RBFOX1: variants seen among roughly 807,000 people sequenced by gnomAD.
The protein encoded by RBFOX1 is RNA binding fox-1 homolog 1, also known as RNA binding protein fox-1 homolog 1.
Under a neutral mutation model 57.7 loss-of-function variants are expected in RBFOX1, and 8 were observed. The ratio of observed to expected loss-of-function variants is 0.14; its 90% CI spans 0.08 to 0.25. RBFOX1 has a LOEUF of 0.25. RBFOX1 is among the 10% of genes least tolerant of loss of function. RBFOX1 has a pLI of 1.00. For synonymous variants in RBFOX1, 326 were observed against 222.4 expected (o/e 1.47, Z -4.15); for missense variants, 611 against 548.5 (o/e 1.11, Z -1.14).
At chr16:5,612,414 C>G (rs1397823817) in intron 3 of RBFOX1, among the ~76,000 whole-genome samples, 1 of 152,080 alleles carries the variant, frequency 6.6e-6, no homozygotes, top group Non-Finnish European at 1.5e-5. Context: ...TAGTGACAAG[C>G]CAAGACACAC....
chr16:6,802,402 C>T (rs1029520501), intron 3 of RBFOX1, among the ~76,000 whole-genome samples: 4 of 152,118 alleles, frequency 2.6e-5, no homozygotes, highest in South Asian at 2.1e-4. Flanking sequence ...TATGGCCTGG[C>T]GCAGTGGCTC....
At chr16:5,452,693 G>C (rs2068464460) in intron 1 of RBFOX1, among the ~76,000 whole-genome samples, 3 of 151,672 alleles carry the variant, frequency 2.0e-5, no homozygotes, top group Non-Finnish European at 4.4e-5. Context: ...ACCCAGGCTG[G>C]AGTGCAATGG....
chr16:6,540,095 C>CTT lies in RBFOX1; in HGVS notation c.-63-114508_-63-114507insTT, dbSNP rs1567609335. On this transcript the variant is annotated intron_variant, in intron 2 of 15. Coordinates refer to ENST00000550418, the MANE Select transcript of RBFOX1 (RefSeq NM_018723.4). ...TTTGATGAAATAGAGAAGCAGGCTGCCCTCTGTCAGTTGAAGAACCCATGT... is the reference window on the plus strand; with the variant it reads ...TTTGATGAAATAGAGAAGCAGGCTGCTTCCTCTGTCAGTTGAAGAACCCATGT... Among the ~76,000 whole-genome samples the CTT allele has an allele frequency of 2.3e-3, 345 of 152,176 alleles. 1 individual carries two copies. The highest frequency in any genetic ancestry group is 8.0e-3 in the African/African-American group (331 of 41,528).
At chr16:5,791,047 G>A (rs962914923) in intron 3 of RBFOX1, among the ~76,000 whole-genome samples, 2 of 151,864 alleles carry the variant, frequency 1.3e-5, no homozygotes, top group African/African-American at 4.8e-5. Context: ...TTTTATATTT[G>A]TAGTAGAGAT....
intron 3 of RBFOX1, among the ~76,000 whole-genome samples, chr16:6,871,911 C>CTGCGTG (rs2060957694): frequency 7.7e-6 from 1 of 129,610 alleles, no homozygotes. Context: ...GGGAGAGAGT[C>CTGCGTG]TGTGTGTGTG....
chr16:5,597,666 T>C (rs2047231089), intron 2 of RBFOX1, among the ~76,000 whole-genome samples: 1 of 152,084 alleles, frequency 6.6e-6, no homozygotes, highest in Admixed American at 6.6e-5. Context: ...TTGCTGACTT[T>C]TGATTAATGA....
chr16:6,648,204 C>G (rs1476689083), intron 2 of RBFOX1, among the ~76,000 whole-genome samples: 1 of 151,964 alleles, frequency 6.6e-6, no homozygotes, highest in Admixed American at 6.6e-5. Flanking sequence ...TACCACCCCA[C>G]CTAGCTAATT....
chr16:6,428,970 C>A (rs1013595336), intron 2 of RBFOX1, among the ~76,000 whole-genome samples: 1 of 152,172 alleles, frequency 6.6e-6, no homozygotes, highest in African/African-American at 2.4e-5. Flanking sequence ...GTTTATGGAC[C>A]TGCGGCGTGC....
At chr16:5,980,088 G>C (rs2060142340) in intron 4 of RBFOX1, among the ~76,000 whole-genome samples, 1 of 152,194 alleles carries the variant, frequency 6.6e-6, no homozygotes, top group East Asian at 1.9e-4. Flanking sequence ...TAGGAACTTA[G>C]GCTCCTTTCT....
At chr16:6,963,134 C>G (rs2083373966) in intron 3 of RBFOX1, among the ~76,000 whole-genome samples, 2 of 152,230 alleles carry the variant, frequency 1.3e-5, no homozygotes, top group Admixed American at 1.3e-4. Flanking sequence ...GTGCAGGACT[C>G]TTTGGGGTTC....
chr16:5,922,566 C>T (rs1265785530), intron 4 of RBFOX1, among the ~76,000 whole-genome samples: 2 of 152,154 alleles, frequency 1.3e-5, no homozygotes, highest in Non-Finnish European at 2.9e-5. Flanking sequence ...ACCCAGAACC[C>T]AGGTGAAGTG....
chr16:6,973,411 C>A (rs1004942922), intron 3 of RBFOX1, among the ~76,000 whole-genome samples: 2 of 152,116 alleles, frequency 1.3e-5, no homozygotes, highest in Admixed American at 6.5e-5. Flanking sequence ...ATCAGTCAAT[C>A]AGGAAGCATT....
At chr16:5,915,024 A>G (rs1427471221) in intron 4 of RBFOX1, among the ~76,000 whole-genome samples, 1 of 152,184 alleles carries the variant, frequency 6.6e-6, no homozygotes, top group African/African-American at 2.4e-5. Context: ...TGTTGAGTAG[A>G]AGTAAGTTGC....
At chr16:7,091,334 C>T (rs1395849878) in intron 4 of RBFOX1, among the ~76,000 whole-genome samples, 1 of 150,834 alleles carries the variant, frequency 6.6e-6, no homozygotes, top group South Asian at 2.1e-4. Flanking sequence ...TTCACTTTAT[C>T]GTTTCACACT....
intron 4 of RBFOX1, among the ~76,000 whole-genome samples, chr16:7,231,987 G>A (rs1165915718): frequency 6.6e-6 from 1 of 152,130 alleles, no homozygotes; most frequent in Non-Finnish European, 1.5e-5. Context: ...TAGGGGTGGT[G>A]GTTGCATAAC....
intron 3 of RBFOX1, among the ~76,000 whole-genome samples, chr16:6,988,746 TG>T (rs1263514797): frequency 0.014 from 492 of 35,972 alleles, 16 homozygotes; most frequent in African/African-American, 0.021. Context: ...TTTTTTTGTT[TG>T]TTTGTTTTTT....
At chr16:5,576,917 T>G (rs1246847726) in intron 2 of RBFOX1, among the ~76,000 whole-genome samples, 3 of 152,236 alleles carry the variant, frequency 2.0e-5, no homozygotes, top group Non-Finnish European at 4.4e-5. Context: ...TCAGAGTGGC[T>G]TATTACAGCA....
At chr16:6,797,861 C>A (rs1318466373) in intron 3 of RBFOX1, among the ~76,000 whole-genome samples, 2 of 152,076 alleles carry the variant, frequency 1.3e-5, no homozygotes, top group South Asian at 2.1e-4. Context: ...AGTTGCTATC[C>A]CATTTCTACT....
intron 3 of RBFOX1, among the ~76,000 whole-genome samples, chr16:6,918,173 T>C (rs947670708): frequency 2.0e-5 from 3 of 151,528 alleles, no homozygotes; most frequent in African/African-American, 7.3e-5. Context: ...TCCCAGCTAC[T>C]AGAGAAGCTG....
Sources: gnomAD v4.1 joint callset for allele counts (sites outside exome capture counted in the v4.1 genomes callset) on GRCh38, gnomAD v4.1.1 for gene constraint, MANE v1.5 for transcripts, NCBI Gene and HGNC (gene_info 2026-07-23, HGNC 2026-07-21) for gene names.